Variants in WDR64 observed in about 807,000 individuals in gnomAD.
The protein encoded by WDR64 is WD repeat domain 64.
In WDR64, 112 loss-of-function variants were observed where a neutral mutation model predicts 139.3. The ratio of observed to expected loss-of-function variants is 0.80; its 90% CI spans 0.69 to 0.94. The LOEUF (loss-of-function observed/expected upper bound fraction) is 0.94. Among genes scored for constraint, WDR64 ranks in the 40% least tolerant of loss-of-function variants. The probability of loss-of-function intolerance (pLI) is 0.00; values close to 1 mark genes in which losing one functional copy is unlikely to be tolerated. For missense variants in WDR64, 1,206 were observed against 1,293.1 expected, an observed-to-expected ratio of 0.93 and a Z score of 1.03; for synonymous variants, 444 against 437.7, an observed-to-expected ratio of 1.01 and a Z score of -0.18.
intron 7 of WDR64, among the ~76,000 whole-genome samples, chr1:241,684,597 G>A (rs543633342): frequency 6.6e-6 from 1 of 152,260 alleles, no homozygotes; most frequent in African/African-American, 2.4e-5. Flanking sequence ...CTGTGAGCTG[G>A]GCATTCTCAC....
At chr1:241,675,224 T>C (rs1666495194) in intron 4 of WDR64, among the ~76,000 whole-genome samples, 2 of 75,166 alleles carry the variant, frequency 2.7e-5, no homozygotes, top group Non-Finnish European at 2.6e-5. Context: ...CCTCCCTTCT[T>C]CCTTCCTCCC....
intron 10 of WDR64, among the ~76,000 whole-genome samples, chr1:241,730,873 C>T (rs1448982928): frequency 6.6e-6 from 1 of 152,130 alleles, no homozygotes; most frequent in Non-Finnish European, 1.5e-5. Flanking sequence ...GTTCAATTTT[C>T]CTGGTAAATT....
intron 18 of WDR64, 84 bp from the exon 19 acceptor site, chr1:241,771,577 C>A: frequency 9.8e-7 from 1 of 1,022,300 alleles, no homozygotes; most frequent in Middle Eastern, 2.3e-4. Context: ...GAAAATTCAA[C>A]TATCTGGAGA....
intron 13 of WDR64, among the ~76,000 whole-genome samples, chr1:241,744,810 C>T (rs1287563597): frequency 1.3e-5 from 2 of 152,228 alleles, no homozygotes. Context: ...TGCACTGACT[C>T]ATCCTATCTT....
In WDR64 at chr1:241,697,517, A is replaced by T. The variant is rs868789526; in HGVS notation, c.974+9922A>T. Reference sequence around the variant, plus strand: ...ACCCTGACTGGAGTGCAGTGGTGCAATCATAGCTCACTCCCCCAGCGTCGA... The same window carrying T: ...ACCCTGACTGGAGTGCAGTGGTGCATTCATAGCTCACTCCCCCAGCGTCGA... On this transcript the variant is annotated intron_variant, in intron 8 of 27. Coordinates refer to ENST00000437684, the MANE Select transcript of WDR64 (RefSeq NM_001367482.1). Among the ~76,000 whole-genome samples the T allele has an allele frequency of 1.1e-4, 17 of 151,996 alleles. 1 individual carries two copies. The highest frequency in any genetic ancestry group is 3.6e-4 in the African/African-American group (15 of 41,368).
At chr1:241,734,070 A>G (rs1296062708) in intron 10 of WDR64, among the ~76,000 whole-genome samples, 1 of 152,118 alleles carries the variant, frequency 6.6e-6, no homozygotes, top group Non-Finnish European at 1.5e-5. Context: ...CTCCCATTCT[A>G]TGCAAAGTCA....
intron 14 of WDR64, among the ~76,000 whole-genome samples, chr1:241,751,262 C>T (rs1574068611): frequency 6.6e-6 from 1 of 152,166 alleles, no homozygotes; most frequent in South Asian, 2.1e-4. Flanking sequence ...AATCTGGTAG[C>T]CAGGCCATTT....
In WDR64 at chr1:241,656,475, A is replaced by C. The variant is rs767808147; in HGVS notation, c.145+3846A>C. 1.3e-5 allele frequency among the ~76,000 whole-genome samples: 2 copies of C among 152,220 alleles called. No individual in the cohort carries two copies. The highest frequency in any genetic ancestry group is 2.9e-5 in the Non-Finnish European group (2 of 68,048). On this transcript the variant is annotated intron_variant, in intron 1 of 27. Transcript: ENST00000437684. The surrounding 1 kb of genome is among the most constrained non-coding windows in gnomAD (Gnocchi z 4.3). ...TACAATGAAACTCATATCTTGTAGC[A>C]GTTGGTGTAAATAAATATAAAACAG...
At chr1:241,746,745 G>A (rs963299712) in intron 13 of WDR64, among the ~76,000 whole-genome samples, 23 of 149,248 alleles carry the variant, frequency 1.5e-4, no homozygotes, top group Non-Finnish European at 3.4e-4. Context: ...AAAAGGTCAC[G>A]TATTCCATTT....
At chr1:241,704,245 G>A (rs1226414514) in intron 8 of WDR64, among the ~76,000 whole-genome samples, 1 of 152,144 alleles carries the variant, frequency 6.6e-6, no homozygotes, top group Admixed American at 6.5e-5. Flanking sequence ...AGGGAGCATA[G>A]TGTGGTGGAC....
At chr1:241,700,564 A>C (rs1274664427) in intron 8 of WDR64, among the ~76,000 whole-genome samples, 2 of 152,218 alleles carry the variant, frequency 1.3e-5, no homozygotes, top group African/African-American at 4.8e-5. Flanking sequence ...TTTACATGGC[A>C]CTATTTACTA....
intron 27 of WDR64, among the ~76,000 whole-genome samples, chr1:241,798,497 G>A (rs1470020329): frequency 2.6e-5 from 4 of 152,144 alleles, no homozygotes; most frequent in Non-Finnish European, 5.9e-5. Context: ...AGCCTAAATG[G>A]AAAAACAGTG....
chr1:241,723,930 A>G (rs1038356458), intron 10 of WDR64, among the ~76,000 whole-genome samples: 10 of 152,150 alleles, frequency 6.6e-5, no homozygotes, highest in African/African-American at 2.4e-4. Context: ...GGCTAGTTGC[A>G]ATGGCAACCT....
intron 10 of WDR64, among the ~76,000 whole-genome samples, chr1:241,727,616 T>C (rs1407432407): frequency 1.3e-5 from 2 of 152,182 alleles, no homozygotes; most frequent in Admixed American, 6.5e-5. Flanking sequence ...TTCTGAGTTC[T>C]AGGGACAAAG....
intron 14 of WDR64, among the ~76,000 whole-genome samples, chr1:241,755,610 T>G (rs1460338472): frequency 6.6e-6 from 1 of 152,210 alleles, no homozygotes; most frequent in African/African-American, 2.4e-5. Flanking sequence ...TTGCTTTTGG[T>G]GTTTTAGTCA....
At chr1:241,679,646 T>A in intron 6 of WDR64, 51 bp downstream of exon 6, 1 of 1,441,722 alleles carries the variant, frequency 6.9e-7, no homozygotes, top group Non-Finnish European at 9.5e-7. Context: ...TTTTCAGTAG[T>A]GGTACGATAT....
intron 10 of WDR64, among the ~76,000 whole-genome samples, chr1:241,736,520 TAAG>T (rs1348688644): frequency 2.0e-5 from 3 of 150,526 alleles, no homozygotes; most frequent in African/African-American, 4.9e-5. Context: ...GAGACCAGAA[TAAG>T]AAGGTTTTTG....
At chr1:241,687,310 A>G (rs1356037856) in intron 7 of WDR64, 151 bp from the exon 8 acceptor site, 1 of 936,410 alleles carries the variant, frequency 1.1e-6, no homozygotes, top group Non-Finnish European at 1.5e-6. Context: ...CATCTAAAAA[A>G]AAAAAAAAAA....
At chr1:241,761,666 G>C (rs1574077004) in intron 15 of WDR64, among the ~76,000 whole-genome samples, 1 of 152,136 alleles carries the variant, frequency 6.6e-6, no homozygotes, top group South Asian at 2.1e-4. Flanking sequence ...TTTACCCACA[G>C]TAAAATTTCT....
Sources: allele counts gnomAD v4.1 joint callset (sites outside exome capture counted in the v4.1 genomes callset), GRCh38; gene constraint gnomAD v4.1.1; non-coding constraint Gnocchi (gnomAD v3.1); transcripts MANE v1.5; gene names NCBI Gene and HGNC (gene_info 2026-07-23, HGNC 2026-07-21).